Variants in EPHA6 observed in about 807,000 individuals in gnomAD.
The protein encoded by EPHA6 is ephrin type-A receptor 6.
In EPHA6, 50 loss-of-function variants were observed where a neutral mutation model predicts 112.0. That is an observed-to-expected ratio of 0.45 (90% CI 0.36 to 0.56). EPHA6 has a LOEUF of 0.56. Among genes scored for constraint, EPHA6 ranks in the 20% least tolerant of loss-of-function variants. EPHA6 has a pLI of 0.00. For missense variants in EPHA6, 1,280 were observed against 1,417.4 expected (o/e 0.90, Z 1.56); for synonymous variants, 529 against 490.7 (o/e 1.08, Z -1.03).
intron 3 of EPHA6, among the ~76,000 whole-genome samples, chr3:97,129,325 C>T (rs1279730326): frequency 1.3e-5 from 2 of 151,888 alleles, no homozygotes; most frequent in Non-Finnish European, 1.5e-5. Context: ...CGGTGAAACC[C>T]TGTCTCTACC....
chr3:97,667,657 AAATAAGAAAAAG>A (rs2030289708), intron 14 of EPHA6, among the ~76,000 whole-genome samples: 1 of 152,196 alleles, frequency 6.6e-6, no homozygotes, highest in African/African-American at 2.4e-5. Context: ...GCCTTTATGT[AAATAAGAAAAAG>A]TATACTTTGT....
At chr3:97,292,540 A>G (rs930535739) in intron 5 of EPHA6, among the ~76,000 whole-genome samples, 1 of 152,254 alleles carries the variant, frequency 6.6e-6, no homozygotes, top group African/African-American at 2.4e-5. Flanking sequence ...ACGACGGTTC[A>G]GCTCTCAGCA....
chr3:97,589,897 A>C (rs575639705), intron 11 of EPHA6, among the ~76,000 whole-genome samples: 1 of 152,340 alleles, frequency 6.6e-6, no homozygotes, highest in South Asian at 2.1e-4. Flanking sequence ...ATCATTGAAT[A>C]ATAAATTCCA....
chr3:96,819,928 G>C (rs971672398), intron 1 of EPHA6, among the ~76,000 whole-genome samples: 7 of 152,080 alleles, frequency 4.6e-5, no homozygotes, highest in African/African-American at 1.7e-4. Context: ...AAGCAACAAA[G>C]ACACTGAGAA....
At chr3:97,546,131 C>T (rs1243035247) in intron 11 of EPHA6, among the ~76,000 whole-genome samples, 1 of 151,992 alleles carries the variant, frequency 6.6e-6, no homozygotes, top group African/African-American at 2.4e-5. Flanking sequence ...TTATTTTGCT[C>T]ATTAGTTGAT....
At chr3:97,510,244 G>A (rs1386405246) in intron 10 of EPHA6, among the ~76,000 whole-genome samples, 1 of 152,294 alleles carries the variant, frequency 6.6e-6, no homozygotes, top group Non-Finnish European at 1.5e-5. Context: ...GTGAGGAGCT[G>A]TGATCCTTTG....
At chr3:97,045,245 T>C (rs942736785) in intron 3 of EPHA6, among the ~76,000 whole-genome samples, 1 of 152,004 alleles carries the variant, frequency 6.6e-6, no homozygotes, top group Non-Finnish European at 1.5e-5. Flanking sequence ...ATCTAGCATG[T>C]TAAAGAAAAT....
At chr3:96,904,311 C>G (rs1460384141) in intron 2 of EPHA6, among the ~76,000 whole-genome samples, 2 of 151,680 alleles carry the variant, frequency 1.3e-5, no homozygotes, top group South Asian at 4.2e-4. Flanking sequence ...TTTATAGGGA[C>G]ATGGATGAAG....
At chr3:97,133,859 A>C (rs934564174) in intron 3 of EPHA6, among the ~76,000 whole-genome samples, 2 of 152,024 alleles carry the variant, frequency 1.3e-5, no homozygotes, top group African/African-American at 4.8e-5. Context: ...CTCAATAGGG[A>C]ATTCTAAATT....
chr3:97,559,316 T>A (rs2093156884), intron 11 of EPHA6, among the ~76,000 whole-genome samples: 1 of 152,000 alleles, frequency 6.6e-6, no homozygotes, highest in African/African-American at 2.4e-5. Context: ...GAATTGGCAT[T>A]GATAATAACA....
intron 14 of EPHA6, chr3:97,648,358 G>T (rs746360795): frequency 1.1e-5 from 18 of 1,595,266 alleles, no homozygotes; most frequent in South Asian, 1.1e-5. Flanking sequence ...ATTTTCTGTC[G>T]GTCTAAGAAG....
chr3:97,011,549 ACT>A (rs1205133668), intron 3 of EPHA6, among the ~76,000 whole-genome samples: 1 of 151,980 alleles, frequency 6.6e-6, no homozygotes, highest in Non-Finnish European at 1.5e-5. Context: ...TTTCTCAAGG[ACT>A]CTTTTTAATA....
At chr3:97,314,182 AC>A (rs1302343193) in intron 5 of EPHA6, among the ~76,000 whole-genome samples, 2 of 151,516 alleles carry the variant, frequency 1.3e-5, no homozygotes, top group Admixed American at 6.6e-5. Context: ...AAATTAATTG[AC>A]CGTAAACATG....
At chr3:97,614,507 T>TTA (rs551683111) in intron 13 of EPHA6, among the ~76,000 whole-genome samples, 284 of 81,320 alleles carry the variant, frequency 3.5e-3, no homozygotes, top group African/African-American at 0.023. Context: ...GCTAATTTTT[T>TTA]TTTTTTTTTT....
chr3:97,720,786 TTTAGACTAGATA>T (rs2034493006), intron 15 of EPHA6, among the ~76,000 whole-genome samples: 1 of 152,216 alleles, frequency 6.6e-6, no homozygotes, highest in Non-Finnish European at 1.5e-5. Flanking sequence ...AGCAAATCAA[TTTAGACTAGATA>T]TCACTTAGAG....
At chr3:97,498,330 C>CAAAAAAAAAAAAA (rs1297962805) in intron 10 of EPHA6, among the ~76,000 whole-genome samples, 1 of 58,498 alleles carries the variant, frequency 1.7e-5, no homozygotes. Context: ...AAGAAAATAG[C>CAAAAAAAAAAAAA]AAAAAAAAAA....
intron 3 of EPHA6, among the ~76,000 whole-genome samples, chr3:97,076,488 A>G (rs1376231115): frequency 6.6e-6 from 1 of 152,186 alleles, no homozygotes; most frequent in Non-Finnish European, 1.5e-5. Flanking sequence ...AGGTTTAAGG[A>G]TGAAAGTCAT....
chr3:96,940,076 T>C (rs551476106), intron 2 of EPHA6, among the ~76,000 whole-genome samples: 1 of 152,336 alleles, frequency 6.6e-6, no homozygotes, highest in South Asian at 2.1e-4. Flanking sequence ...AAAATGTATA[T>C]TCTGTTGATC....
intron 5 of EPHA6, among the ~76,000 whole-genome samples, chr3:97,364,545 T>C (rs2084601443): frequency 6.6e-6 from 1 of 152,002 alleles, no homozygotes; most frequent in South Asian, 2.1e-4. Flanking sequence ...ATCTTCATGA[T>C]TAGAGTCATG....
Sources: allele counts gnomAD v4.1 joint callset (sites outside exome capture counted in the v4.1 genomes callset), GRCh38; gene constraint gnomAD v4.1.1; transcripts MANE v1.5; gene names NCBI Gene and HGNC (gene_info 2026-07-23, HGNC 2026-07-21).